The following NCOA1 variants were observed in gnomAD, a reference collection of about 807,000 sequenced individuals.
The protein encoded by NCOA1 is Hin-2 protein.
In NCOA1, 35 loss-of-function variants were observed where a neutral mutation model predicts 150.9. The observed-to-expected ratio is 0.23, with a 90% CI of 0.18 to 0.31. The LOEUF is 0.31. Among genes scored for constraint, NCOA1 ranks in the 10% least tolerant of loss-of-function variants. The pLI, the probability that NCOA1 is intolerant of heterozygous loss-of-function variation, is 1.00. For missense variants in NCOA1, 1,491 were observed against 1,749.3 expected (o/e 0.85, Z 2.63); for synonymous variants, 590 against 630.0 (o/e 0.94, Z 0.95).
At chr2:24,721,107 T>G (rs984322437) in intron 14 of NCOA1, among the ~76,000 whole-genome samples, 1 of 152,204 alleles carries the variant, frequency 6.6e-6, no homozygotes, top group Non-Finnish European at 1.5e-5. Flanking sequence ...AGCTCAACTT[T>G]CCAGATCAAA....
chr2:24,590,560 C>G (rs542765006), intron 3 of NCOA1, among the ~76,000 whole-genome samples: 1 of 152,162 alleles, frequency 6.6e-6, no homozygotes, highest in East Asian at 1.9e-4. Flanking sequence ...AAATATGTCT[C>G]ACATTCTTTT....
At chr2:24,527,543 T>A (rs1664701439) in intron 1 of NCOA1, among the ~76,000 whole-genome samples, 2 of 152,188 alleles carry the variant, frequency 1.3e-5, no homozygotes, top group African/African-American at 4.8e-5. Flanking sequence ...TACACCACAG[T>A]TTTTTATTCA....
chr2:24,505,495 A>C (rs1663655500), intron 1 of NCOA1, among the ~76,000 whole-genome samples: 1 of 152,180 alleles, frequency 6.6e-6, no homozygotes, highest in African/African-American at 2.4e-5. Flanking sequence ...TCCTTTTTAA[A>C]ATTAAATAAT....
chr2:24,637,948 G>A (rs1352120448), intron 3 of NCOA1, among the ~76,000 whole-genome samples: 9 of 152,034 alleles, frequency 5.9e-5, no homozygotes, highest in Non-Finnish European at 1.2e-4. Flanking sequence ...TGCCCACCTC[G>A]GCCTCCCAAA....
chr2:24,544,941 A>G (rs762009479), intron 1 of NCOA1, among the ~76,000 whole-genome samples: 1 of 152,248 alleles, frequency 6.6e-6, no homozygotes, highest in African/African-American at 2.4e-5. Flanking sequence ...GAAGAAGGCT[A>G]GAATGAACCA....
intron 17 of NCOA1, among the ~76,000 whole-genome samples, chr2:24,734,135 C>A (rs1402269060): frequency 6.6e-6 from 1 of 150,954 alleles, no homozygotes; most frequent in Non-Finnish European, 1.5e-5. Flanking sequence ...CAAGATTGTG[C>A]CATTGCACTC....
intron 3 of NCOA1, among the ~76,000 whole-genome samples, chr2:24,602,656 AAAAT>A (rs1207900008): frequency 6.6e-6 from 1 of 152,092 alleles, no homozygotes; most frequent in Non-Finnish European, 1.5e-5. Context: ...ATTTTTAAAT[AAAAT>A]AAATATTATT....
intron 4 of NCOA1, among the ~76,000 whole-genome samples, chr2:24,656,717 G>A (rs1165270394): frequency 6.6e-6 from 1 of 152,202 alleles, no homozygotes; most frequent in African/African-American, 2.4e-5. Flanking sequence ...AATATGCAGT[G>A]TTTGTCCTGT....
At chr2:24,614,199 C>CTTTTTTTTTTTT (rs869113477) in intron 3 of NCOA1, among the ~76,000 whole-genome samples, 118 of 9,174 alleles carry the variant, frequency 0.013, 38 homozygotes, top group Non-Finnish European at 0.015. Context: ...CATTTCCATT[C>CTTTTTTTTTTTT]TTTTTTTTTT....
chr2:24,519,652 C>CAAAAAAAAAAA (rs1014874055), intron 1 of NCOA1, among the ~76,000 whole-genome samples: 11 of 72,302 alleles, frequency 1.5e-4, no homozygotes, highest in East Asian at 1.1e-3. Flanking sequence ...CCTGTCTCTA[C>CAAAAAAAAAAA]AAAAAAAAAA....
intron 3 of NCOA1, among the ~76,000 whole-genome samples, chr2:24,622,755 A>G (rs1669226738): frequency 6.6e-6 from 1 of 152,122 alleles, no homozygotes; most frequent in South Asian, 2.1e-4. Context: ...CCATATGCAG[A>G]TCATCTTTTG....
chr2:24,556,345 G>T (rs1666070306), intron 1 of NCOA1, among the ~76,000 whole-genome samples: 1 of 152,212 alleles, frequency 6.6e-6, no homozygotes, highest in South Asian at 2.1e-4. Context: ...TTTCATGGCT[G>T]CATAGTATTC....
chr2:24,516,986 A>G (rs1218731629), intron 1 of NCOA1, among the ~76,000 whole-genome samples: 45 of 59,354 alleles, frequency 7.6e-4, no homozygotes, highest in African/African-American at 1.6e-3. Context: ...ACATATACGT[A>G]TATATATACA....
intron 11 of NCOA1, among the ~76,000 whole-genome samples, chr2:24,698,165 A>G (rs1479817329): frequency 6.6e-6 from 1 of 152,196 alleles, no homozygotes; most frequent in Non-Finnish European, 1.5e-5. Flanking sequence ...AATATACGAC[A>G]ACCCTAAAGA....
intron 21 of NCOA1, among the ~76,000 whole-genome samples, chr2:24,762,263 T>C (rs1417284641): frequency 6.6e-6 from 1 of 152,248 alleles, no homozygotes; most frequent in Non-Finnish European, 1.5e-5. Context: ...TCAATTTTTT[T>C]AGCTGATTGA....
chr2:24,574,950 T>C (rs905627879), intron 2 of NCOA1, among the ~76,000 whole-genome samples: 1 of 152,226 alleles, frequency 6.6e-6, no homozygotes, highest in Non-Finnish European at 1.5e-5. Context: ...AATTTGATTA[T>C]GATAATTGTC....
intron 1 of NCOA1, among the ~76,000 whole-genome samples, chr2:24,507,102 C>T (rs899734002): frequency 3.3e-5 from 5 of 152,122 alleles, no homozygotes; most frequent in African/African-American, 9.7e-5. Flanking sequence ...AGGACGAAGA[C>T]TGAACATAAA....
chr2:24,636,698 T>G (rs1669952214), intron 3 of NCOA1, among the ~76,000 whole-genome samples: 1 of 152,100 alleles, frequency 6.6e-6, no homozygotes, highest in Non-Finnish European at 1.5e-5. Context: ...GAACGCAGTA[T>G]TATGAGAACT....
chr2:24,625,379 A>C (rs1669361282), intron 3 of NCOA1, among the ~76,000 whole-genome samples: 1 of 151,946 alleles, frequency 6.6e-6, no homozygotes, highest in Admixed American at 6.6e-5. Flanking sequence ...AAAAAAAAAA[A>C]AAAAAAGTTG....
Sources: allele counts gnomAD v4.1 joint callset (sites outside exome capture counted in the v4.1 genomes callset), GRCh38; gene constraint gnomAD v4.1.1; transcripts MANE v1.5; gene names NCBI Gene and HGNC (gene_info 2026-07-23, HGNC 2026-07-21).